The following ADGRB3 variants were observed in gnomAD, a reference collection of about 807,000 sequenced individuals.
The protein encoded by ADGRB3 is brain-specific angiogenesis inhibitor 3.
In ADGRB3, 37 loss-of-function variants were observed where a neutral mutation model predicts 193.4. That is an observed-to-expected ratio of 0.19 (90% CI 0.15 to 0.25). The LOEUF is 0.25. Ranked by LOEUF, ADGRB3 falls within the 10% of genes least tolerant of loss-of-function variation. ADGRB3 has a pLI of 1.00. For synonymous variants in ADGRB3, 690 were observed against 644.2 expected, an observed-to-expected ratio of 1.07 and a Z score of -1.08; for missense variants, 1,637 against 1,852.9, an observed-to-expected ratio of 0.88 and a Z score of 2.14.
intron 3 of ADGRB3, among the ~76,000 whole-genome samples, chr6:68,741,569 G>T (rs1235388608): frequency 2.0e-5 from 3 of 152,026 alleles, no homozygotes. Flanking sequence ...TGTAGTTTTT[G>T]CAGAGGCAGG....
rs188620305 is a variant in ADGRB3 at position 69,173,272 on chromosome 6, A to G, written c.2481-60018A>G. On this transcript the variant is annotated intron_variant, in intron 17 of 31. Transcript: ENST00000370598. The stretch of plus-strand genomic sequence containing the variant: ...AGGTTGGTCTCGAACTCCTGACCTC[A>G]GGTGATCCACCCACCTCGGCCTCCC... Among the ~76,000 whole-genome samples the G allele has an allele frequency of 2.2e-3, 342 of 152,292 alleles. 10 individuals carry two copies. Among genetic ancestry groups the G allele is most frequent in the Admixed American group, 0.02 (306 of 15,294 alleles).
intron 30 of ADGRB3, among the ~76,000 whole-genome samples, chr6:69,375,919 G>A (rs1011615382): frequency 7.9e-5 from 12 of 151,734 alleles, no homozygotes; most frequent in Non-Finnish European, 1.6e-4. Flanking sequence ...CTCCAGTCTG[G>A]ACAACAAAGT....
At chr6:69,207,726 A>G (rs962818652) in intron 17 of ADGRB3, among the ~76,000 whole-genome samples, 2 of 152,142 alleles carry the variant, frequency 1.3e-5, no homozygotes, top group African/African-American at 2.4e-5. Flanking sequence ...CTGCTTCAAG[A>G]TGATGGGGAA....
intron 3 of ADGRB3, among the ~76,000 whole-genome samples, chr6:68,857,388 G>A (rs947195989): frequency 6.6e-6 from 1 of 152,172 alleles, no homozygotes; most frequent in Non-Finnish European, 1.5e-5. Flanking sequence ...AAAACCACAG[G>A]AGCAGACTGC....
chr6:69,109,738 T>G (rs550589201), intron 17 of ADGRB3, among the ~76,000 whole-genome samples: 9 of 152,216 alleles, frequency 5.9e-5, no homozygotes, highest in Non-Finnish European at 1.2e-4. Context: ...CCTGTTTTGG[T>G]GATGCAATGG....
In ADGRB3 at chr6:68,993,859, A is replaced by C; in HGVS notation, c.1826A>C (p.Lys609Thr). ...ACACTGTTGGATTTAACTCAGAGAA[A>C]AAATTTCTATGCAGGCGATCTTCTG... ...TKTLLDLTQR[K>T]NFYAGDLLMS... The change falls in exon 11 of 32, where the codon AAA (lysine) becomes ACA (threonine). Residue 609 changes from lysine to threonine, a missense_variant. This residue lies in a region of ADGRB3 where 641 missense variants were observed against 673.9 expected (regional missense o/e 0.95). Transcript: ENST00000370598. 6.2e-7 allele frequency: 1 copy of C among 1,614,042 alleles called. No individual in the cohort carries two copies. The highest frequency in any genetic ancestry group is 8.5e-7 in the Non-Finnish European group (1 of 1,179,908).
chr6:69,368,021 G>A (rs768406915), intron 29 of ADGRB3, among the ~76,000 whole-genome samples: 1 of 149,998 alleles, frequency 6.7e-6, no homozygotes, highest in Non-Finnish European at 1.5e-5. Context: ...GGGAGGGACA[G>A]CATTGGGAGA....
At chr6:68,809,706 T>G (rs1194083149) in intron 3 of ADGRB3, among the ~76,000 whole-genome samples, 1 of 152,176 alleles carries the variant, frequency 6.6e-6, no homozygotes, top group African/African-American at 2.4e-5. Flanking sequence ...ATTGCCAATA[T>G]TGATGAAAAA....
intron 17 of ADGRB3, among the ~76,000 whole-genome samples, chr6:69,121,500 G>A (rs9454698): frequency 0.22 from 33,043 of 151,854 alleles, 3,839 homozygotes; most frequent in Middle Eastern, 0.25. Flanking sequence ...ATCATGGCCC[G>A]TTCTCGATGG....
At chr6:69,025,766 T>C (rs1483697753) in intron 13 of ADGRB3, among the ~76,000 whole-genome samples, 2 of 152,246 alleles carry the variant, frequency 1.3e-5, no homozygotes, top group Non-Finnish European at 2.9e-5. Flanking sequence ...AACATAGTTT[T>C]AAACTTTGAT....
intron 30 of ADGRB3, among the ~76,000 whole-genome samples, 189 bp downstream of exon 30, chr6:69,372,630 A>G (rs182323764): frequency 1.4e-4 from 21 of 152,160 alleles, no homozygotes; most frequent in African/African-American, 4.8e-4. Context: ...AATTACTTCA[A>G]GTATTTGCTA....
chr6:69,090,205 A>T (rs750592754), intron 17 of ADGRB3, among the ~76,000 whole-genome samples: 101 of 152,230 alleles, frequency 6.6e-4, no homozygotes, highest in Non-Finnish European at 9.1e-4. Flanking sequence ...TATTTCAGTT[A>T]TGTGGGTTAT....
intron 26 of ADGRB3, among the ~76,000 whole-genome samples, chr6:69,344,394 C>A (rs888849127): frequency 3.9e-5 from 6 of 152,132 alleles, no homozygotes; most frequent in African/African-American, 1.4e-4. Context: ...CTCTCCCACT[C>A]GCACCCTTTT....
intron 3 of ADGRB3, among the ~76,000 whole-genome samples, chr6:68,829,851 A>G (rs181082629): frequency 4.6e-5 from 7 of 152,296 alleles, no homozygotes; most frequent in Admixed American, 3.3e-4. Context: ...ATAATAGAAA[A>G]TGCTCTAAAT....
intron 3 of ADGRB3, among the ~76,000 whole-genome samples, chr6:68,811,554 T>C (rs1767513053): frequency 6.6e-6 from 1 of 152,110 alleles, no homozygotes; most frequent in Non-Finnish European, 1.5e-5. Flanking sequence ...TTGCAGCCTC[T>C]GCCTCCCATG....
At position 68,866,781 on chromosome 6, in the gene ADGRB3, G is replaced by T. The variant is rs543587739; in HGVS notation, c.758-63778G>T. ...CACTCTTGCTTTGCTTTAGCAAAAA[G>T]ATTGGCAGCGTTGTCTCTGCTCTAG... On this transcript the variant is annotated intron_variant, in intron 3 of 31. Transcript: ENST00000370598. Among the ~76,000 whole-genome samples the T allele has an allele frequency of 7.2e-5, 11 of 152,348 alleles. No individual in the cohort carries two copies. The East Asian group carries it at 2.1e-3, about 29-fold the overall frequency.
intron 26 of ADGRB3, among the ~76,000 whole-genome samples, chr6:69,342,359 T>A (rs1172895001): frequency 6.6e-6 from 1 of 152,150 alleles, no homozygotes; most frequent in Non-Finnish European, 1.5e-5. Context: ...TTTTTTTTAA[T>A]TGAACCTTAA....
intron 3 of ADGRB3, among the ~76,000 whole-genome samples, chr6:68,681,990 C>A (rs1251815213): frequency 6.6e-6 from 1 of 152,108 alleles, no homozygotes; most frequent in African/African-American, 2.4e-5. Flanking sequence ...TAGGAAGTTA[C>A]TGGGTGATTT....
In ADGRB3 at chr6:68,872,620, G is replaced by C. The variant is rs574280438; in HGVS notation, c.758-57939G>C. On this transcript the variant is annotated intron_variant, in intron 3 of 31. Coordinates refer to ENST00000370598, the MANE Select transcript of ADGRB3 (RefSeq NM_001704.3). ...TATGCAGTATACACCAAAATGATTG[G>C]CCCTTGTGAATGGGTTTATTAGTTC... is the stretch of plus-strand genomic sequence containing the variant. 4.5e-4 allele frequency among the ~76,000 whole-genome samples: 69 copies of C among 152,040 alleles called. 1 individual carries two copies. Among genetic ancestry groups the C allele is most frequent in the Non-Finnish European group, 7.9e-4 (54 of 67,958 alleles).
Sources: allele counts gnomAD v4.1 joint callset (sites outside exome capture counted in the v4.1 genomes callset), GRCh38; gene constraint gnomAD v4.1.1; regional missense constraint gnomAD v4.1.1; transcripts MANE v1.5; gene names NCBI Gene and HGNC (gene_info 2026-07-23, HGNC 2026-07-21).